Variants in STX8 observed in about 807,000 individuals in gnomAD.
STX8 encodes the protein syntaxin-8.
STX8 carries 23 observed loss-of-function variants against 37.5 expected under a neutral mutation model. That is an observed-to-expected ratio of 0.61 (90% CI 0.44 to 0.87). The LOEUF (loss-of-function observed/expected upper bound fraction) is 0.87, where lower values mean the gene tolerates loss of function less well. STX8 is among the 40% of genes least tolerant of loss of function. STX8 has a pLI of 0.00. For synonymous variants in STX8, 115 were observed against 99.1 expected (o/e 1.16, Z -0.95); for missense variants, 313 against 284.7 (o/e 1.10, Z -0.71).
intron 3 of STX8, 197 bp downstream of exon 3, chr17:9,557,237 C>A (rs2151915387): frequency 3.8e-6 from 2 of 526,608 alleles, no homozygotes; most frequent in East Asian, 3.4e-5. Context: ...CTCGGTAGGT[C>A]TTGCTTTGCC....
chr17:9,542,283 G>A (rs1161950302), intron 4 of STX8, among the ~76,000 whole-genome samples: 2 of 152,014 alleles, frequency 1.3e-5, no homozygotes, highest in Admixed American at 6.6e-5. Context: ...ACTTGAACTC[G>A]GGAGGCGGAG....
chr17:9,535,854 G>C (rs770186496), intron 4 of STX8, among the ~76,000 whole-genome samples: 54 of 152,158 alleles, frequency 3.5e-4, no homozygotes, highest in Non-Finnish European at 6.3e-4. Context: ...TAAGAGCCTA[G>C]TTAAATGACA....
intron 3 of STX8, chr17:9,547,257 AAAAAAAAAAG>A (rs1013951670): frequency 6.7e-6 from 1 of 149,960 alleles, no homozygotes; most frequent in African/African-American, 2.4e-5. Flanking sequence ...AAAAAAAAAA[AAAAAAAAAAG>A]AAAAAAGAAA....
chr17:9,430,141 T>C lies in STX8; in HGVS notation c.542-51488A>G, dbSNP rs1312525564. On this transcript the variant is annotated intron_variant, in intron 6 of 7. Transcript: ENST00000306357. ...AATAAATATAAATATAAAATATATATAATTTATATATAAAATATAAAATAT... is the reference window on the plus strand; with the variant it reads ...AATAAATATAAATATAAAATATATACAATTTATATATAAAATATAAAATAT... Among the ~76,000 whole-genome samples, 15 of 102,492 alleles carry C rather than the reference T, an allele frequency of 1.5e-4. No individual in the cohort carries two copies. In the South Asian group the frequency reaches 4.1e-3, roughly 28 times the overall value. 67.2% of individuals were successfully genotyped at this position (102,492 alleles called of 152,430 possible). A position where few individuals can be genotyped will look rare whatever the true frequency, so the allele number is the denominator to read the frequency against.
chr17:9,290,353 G>A (rs1908272017), intron 7 of STX8, among the ~76,000 whole-genome samples: 1 of 151,198 alleles, frequency 6.6e-6, no homozygotes, highest in African/African-American at 2.4e-5. Context: ...GCAGGATGGG[G>A]GTGAGTGCCA....
chr17:9,403,060 G>A (rs949609984), intron 6 of STX8, among the ~76,000 whole-genome samples: 1 of 152,216 alleles, frequency 6.6e-6, no homozygotes, highest in East Asian at 1.9e-4. Context: ...AGAGACAAAG[G>A]GCATTGTAGG....
intron 6 of STX8, among the ~76,000 whole-genome samples, chr17:9,446,034 C>T (rs1159502819): frequency 1.3e-5 from 2 of 152,040 alleles, no homozygotes; most frequent in African/African-American, 4.8e-5. Context: ...GACGGGGTTT[C>T]ACCATGTTAG....
intron 7 of STX8, among the ~76,000 whole-genome samples, chr17:9,261,785 G>A (rs575428237): frequency 9.9e-5 from 15 of 152,182 alleles, no homozygotes; most frequent in Admixed American, 3.3e-4. Context: ...TCTCTGGCAC[G>A]TCAATATTTG....
intron 7 of STX8, among the ~76,000 whole-genome samples, chr17:9,351,919 TG>T (rs1427398048): frequency 6.6e-6 from 1 of 151,932 alleles, no homozygotes; most frequent in Non-Finnish European, 1.5e-5. Context: ...GAGGCCGACT[TG>T]GGAGGATCAC....
At chr17:9,420,706 C>CTT (rs1913392812) in intron 6 of STX8, among the ~76,000 whole-genome samples, 1 of 152,194 alleles carries the variant, frequency 6.6e-6, no homozygotes. Context: ...CCCACTACAA[C>CTT]TGAGCTTGAG....
intron 6 of STX8, among the ~76,000 whole-genome samples, chr17:9,430,191 A>G: frequency 7.8e-6 from 1 of 127,886 alleles, no homozygotes; most frequent in South Asian, 2.2e-4. Context: ...TAAATAAAAT[A>G]TAAATTATAT....
intron 7 of STX8, among the ~76,000 whole-genome samples, chr17:9,298,187 T>G (rs1908635759): frequency 6.6e-6 from 1 of 152,136 alleles, no homozygotes; most frequent in African/African-American, 2.4e-5. Context: ...GGAGCATGGA[T>G]GAACTGATGG....
At chr17:9,468,920 C>T (rs1008481652) in intron 6 of STX8, among the ~76,000 whole-genome samples, 1 of 152,216 alleles carries the variant, frequency 6.6e-6, no homozygotes, top group African/African-American at 2.4e-5. Context: ...CCCATCAGTG[C>T]TCCTCATACG....
At chr17:9,385,582 T>C (rs1371300198) in intron 6 of STX8, among the ~76,000 whole-genome samples, 1 of 152,186 alleles carries the variant, frequency 6.6e-6, no homozygotes, top group African/African-American at 2.4e-5. Context: ...GTTAAGTCAT[T>C]AGGGAAATGC....
At chr17:9,304,741 T>C (rs1489290570) in intron 7 of STX8, among the ~76,000 whole-genome samples, 1 of 151,996 alleles carries the variant, frequency 6.6e-6, no homozygotes, top group Non-Finnish European at 1.5e-5. Context: ...TGTGAGGCGA[T>C]AGTCTTATAC....
chr17:9,451,882 C>CTTCCTCT (rs1320558162), intron 6 of STX8, among the ~76,000 whole-genome samples: 1 of 152,038 alleles, frequency 6.6e-6, no homozygotes, highest in Non-Finnish European at 1.5e-5. Flanking sequence ...TGATATTTTG[C>CTTCCTCT]TTCCTCTTTC....
Position 9,396,736 on chromosome 17 carries a change from A to G in STX8, c.542-18083T>C, listed in dbSNP as rs144385740. On this transcript the variant is annotated intron_variant, in intron 6 of 7. Coordinates refer to ENST00000306357, the MANE Select transcript of STX8 (RefSeq NM_004853.3). ...TCTGAAAAAAAAAAAAAACAACTCT[A>G]TATGATACTGTAAAGATAGACAGGT... Among the ~76,000 whole-genome samples, 778 of 151,890 alleles carry G rather than the reference A, an allele frequency of 5.1e-3. 3 individuals carry two copies. Among genetic ancestry groups the G allele is most frequent in the African/African-American group, 0.018 (736 of 41,394 alleles).
At chr17:9,450,683 A>G (rs1187214646) in intron 6 of STX8, among the ~76,000 whole-genome samples, 1 of 152,160 alleles carries the variant, frequency 6.6e-6, no homozygotes, top group Non-Finnish European at 1.5e-5. Context: ...AATCTAATTA[A>G]TTCTGCCATT....
chr17:9,257,045 A>T (rs1007997399), intron 7 of STX8, among the ~76,000 whole-genome samples: 18 of 151,864 alleles, frequency 1.2e-4, no homozygotes, highest in Admixed American at 1.1e-3. Flanking sequence ...TCTGCGCTTC[A>T]CTCAGCTCCT....
Sources: allele counts gnomAD v4.1 joint callset (sites outside exome capture counted in the v4.1 genomes callset), GRCh38; gene constraint gnomAD v4.1.1; transcripts MANE v1.5; gene names NCBI Gene and HGNC (gene_info 2026-07-23, HGNC 2026-07-21).